Variants in DMD observed in about 807,000 individuals in gnomAD.
The protein encoded by DMD is mutant dystrophin.
A neutral mutation model predicts 330.1 loss-of-function variants in DMD; 63 were observed. The observed-to-expected ratio is 0.19, with a 90% CI of 0.16 to 0.24. The LOEUF (loss-of-function observed/expected upper bound fraction) is 0.24, where lower values mean the gene tolerates loss of function less well. DMD is among the 10% of genes least tolerant of loss of function. The pLI is 1.00. For missense variants in DMD, 3,344 were observed against 2,684.1 expected, an observed-to-expected ratio of 1.25 and a Z score of -5.43; for synonymous variants, 1,223 against 959.8, an observed-to-expected ratio of 1.27 and a Z score of -5.07.
At chrX:32,973,344 A>G (rs2092447068) in intron 2 of DMD, among the ~76,000 whole-genome samples, 1 of 112,478 alleles carries the variant, frequency 8.9e-6, no homozygotes, top group South Asian at 3.7e-4. Context: ...ACTCATTGGC[A>G]AATGGAAAGG....
At chrX:32,185,421 G>A (rs12841391) in intron 44 of DMD, among the ~76,000 whole-genome samples, 10,196 of 110,954 alleles carry the variant, frequency 0.092, 482 homozygotes, top group South Asian at 0.21. Context: ...TCTTTAAAGA[G>A]ATACTGTTGT....
chrX:32,409,921 C>G (rs892104468), intron 30 of DMD, among the ~76,000 whole-genome samples: 12 of 111,566 alleles, frequency 1.1e-4, no homozygotes, highest in African/African-American at 3.9e-4. Context: ...AATACCCTGA[C>G]TTGATCATTA....
chrX:32,103,533 G>A (rs933993576), intron 44 of DMD, among the ~76,000 whole-genome samples: 1 of 111,642 alleles, frequency 9.0e-6, no homozygotes, highest in South Asian at 3.7e-4. Context: ...ATTCCTAAAG[G>A]TCTAACAATT....
chrX:31,225,668 T>A (rs919014472), intron 63 of DMD, among the ~76,000 whole-genome samples: 1 of 111,830 alleles, frequency 8.9e-6, no homozygotes, highest in Non-Finnish European at 1.9e-5. Context: ...AAGATGCAGA[T>A]TTCCTAGGCC....
intron 30 of DMD, among the ~76,000 whole-genome samples, chrX:32,396,705 C>T (rs1219540645): frequency 9.0e-6 from 1 of 111,314 alleles, no homozygotes; most frequent in African/African-American, 3.3e-5. Flanking sequence ...CAATTCATTA[C>T]TAAAATTATA....
intron 9 of DMD, among the ~76,000 whole-genome samples, chrX:32,655,035 C>T (rs1269547527): frequency 9.0e-6 from 1 of 111,422 alleles, no homozygotes; most frequent in Non-Finnish European, 1.9e-5. Context: ...TGATTCTTCT[C>T]TCTTTTCTTA....
At chrX:32,861,630 A>G (rs1398688301) in intron 2 of DMD, among the ~76,000 whole-genome samples, 1 of 111,472 alleles carries the variant, frequency 9.0e-6, no homozygotes, top group African/African-American at 3.3e-5. Context: ...TCTAGTTACT[A>G]CATAGAGAGA....
chrX:31,438,684 A>C (rs974507086), intron 60 of DMD, among the ~76,000 whole-genome samples: 1 of 111,582 alleles, frequency 9.0e-6, no homozygotes, highest in African/African-American at 3.3e-5. Context: ...AGTTAGTGAT[A>C]GGCCGACATT....
chrX:32,377,411 T>C (rs900933202), intron 34 of DMD, among the ~76,000 whole-genome samples: 2 of 111,832 alleles, frequency 1.8e-5, no homozygotes, highest in Non-Finnish European at 3.8e-5. Context: ...GAGTTGTCGA[T>C]GGTGAGTTTT....
intron 1 of DMD, among the ~76,000 whole-genome samples, chrX:33,205,105 T>C (rs1477620311): frequency 8.9e-6 from 1 of 112,582 alleles, no homozygotes; most frequent in Non-Finnish European, 1.9e-5. Context: ...TAAGCGATTT[T>C]AGTTAACCAC....
At chrX:31,373,830 T>G (rs1347024917) in intron 60 of DMD, among the ~76,000 whole-genome samples, 60 of 108,469 alleles carry the variant, frequency 5.5e-4, no homozygotes, top group African/African-American at 1.8e-3. Context: ...GGGATCTAAT[T>G]AAACTAAAGA....
At chrX:32,780,976 G>C (rs61399838) in intron 7 of DMD, among the ~76,000 whole-genome samples, 9,109 of 108,513 alleles carry the variant, frequency 0.084, 981 homozygotes, top group African/African-American at 0.29. Context: ...AAATTAGCCG[G>C]GCATGGTGGC....
At chrX:31,544,521 G>A (rs1049259887) in intron 55 of DMD, among the ~76,000 whole-genome samples, 2 of 109,778 alleles carry the variant, frequency 1.8e-5, no homozygotes, top group African/African-American at 6.6e-5. Context: ...TTTTACCTCT[G>A]AAAACACAGG....
intron 4 of DMD, among the ~76,000 whole-genome samples, chrX:32,829,825 G>A (rs2079022088): frequency 1.8e-5 from 2 of 111,573 alleles, no homozygotes; most frequent in African/African-American, 6.5e-5. Flanking sequence ...AAAGATAAAT[G>A]AAGCTTCCAC....
chrX:32,523,165 G>A (rs2046606488), intron 17 of DMD, among the ~76,000 whole-genome samples: 2 of 111,060 alleles, frequency 1.8e-5, no homozygotes, highest in Admixed American at 9.6e-5. Flanking sequence ...CTCAGAAAAC[G>A]ATACCCCAAA....
At chrX:31,715,261 C>G (rs1433018225) in intron 52 of DMD, among the ~76,000 whole-genome samples, 1 of 105,632 alleles carries the variant, frequency 9.5e-6, no homozygotes, top group East Asian at 2.9e-4. Flanking sequence ...AGATTAAGAG[C>G]TGGCCGGGCG....
rs2035934283 is a variant in DMD, at chrX:31,140,719, T to A, written c.10921+5572A>T. Among the ~76,000 whole-genome samples the A allele has an allele frequency of 3.6e-5, 4 of 112,261 alleles. No individual in the cohort carries two copies. In the South Asian group the frequency reaches 1.1e-3, roughly 31 times the overall value. On this transcript the variant is annotated intron_variant, in intron 76 of 78. Coordinates refer to ENST00000357033, the MANE Select transcript of DMD (RefSeq NM_004006.3). ...TCCTAAACGTGTGGGCTGTTCCATG[T>A]GTACACAAGAATGTATTATGCTTGA... is the stretch of plus-strand genomic sequence containing the variant.
chrX:32,824,278 C>A lies in DMD; in HGVS notation c.265-891G>T, dbSNP rs780280614. On this transcript the variant is annotated intron_variant, in intron 4 of 78. Coordinates refer to ENST00000357033, the MANE Select transcript of DMD (RefSeq NM_004006.3). ...AGCATTTATCTCAAGGAAATGAAAA[C>A]ACATGTGTACACAAAAACCTGCACC... Among the ~76,000 whole-genome samples, 4 of 111,390 alleles carry A rather than the reference C, an allele frequency of 3.6e-5. No individual in the cohort carries two copies. In the South Asian group the frequency reaches 1.5e-3, roughly 42 times the overall value.
chrX:31,981,411 T>C (rs1174669465), intron 44 of DMD, among the ~76,000 whole-genome samples: 3 of 111,216 alleles, frequency 2.7e-5, no homozygotes, highest in Non-Finnish European at 5.7e-5. Context: ...ACCTCAAAGG[T>C]GCTCAGATTC....
Sources: gnomAD v4.1 joint callset for allele counts (sites outside exome capture counted in the v4.1 genomes callset) on GRCh38, gnomAD v4.1.1 for gene constraint, MANE v1.5 for transcripts, NCBI Gene and HGNC (gene_info 2026-07-23, HGNC 2026-07-21) for gene names.